The following PTPRN variants were observed in gnomAD, a reference collection of about 807,000 sequenced individuals.
PTPRN encodes protein tyrosine phosphatase receptor type N.
A neutral mutation model predicts 108.5 loss-of-function variants in PTPRN; 70 were observed. The observed-to-expected ratio is 0.65, with a 90% CI of 0.53 to 0.79. The LOEUF (loss-of-function observed/expected upper bound fraction) is 0.79. PTPRN is among the 30% of genes least tolerant of loss of function. The pLI, the probability that PTPRN is intolerant of heterozygous loss-of-function variation, is 0.00. For synonymous variants in PTPRN, 496 were observed against 524.6 expected (o/e 0.95, Z 0.75); for missense variants, 1,136 against 1,295.5 (o/e 0.88, Z 1.89).
chr2:219,290,353 T>A lies in PTPRN; in HGVS notation c.2869-56A>T. 4.1e-6 allele frequency: 4 copies of A among 983,900 alleles called. No homozygotes were observed. Among genetic ancestry groups the A allele is most frequent in the Non-Finnish European group, 6.3e-6 (4 of 630,854 alleles). The allele number at this position is 983,900 out of a possible 1,614,324, so 60.9% of individuals were successfully genotyped here. On this transcript the variant is annotated intron_variant, in intron 22 of 22. Transcript: ENST00000295718. The surrounding 1 kb of genome is among the most constrained non-coding windows in gnomAD (Gnocchi z 4.2). ...GAGAGGGCTGACCTGTGCTCTGCCCTCAAGATGGGGGGCTTTTGGTGGGGG... is the reference window on the plus strand; with the variant it reads ...GAGAGGGCTGACCTGTGCTCTGCCCACAAGATGGGGGGCTTTTGGTGGGGG...
chr2:219,304,492 A>C lies in PTPRN; in HGVS notation c.281-661T>G, dbSNP rs145720475. ...GCTCTCCTGTTTGACTCTTTCCCCC[A>C]AAAAAACTCTGCTCTCAGGAAAGTT... On this transcript the variant is annotated intron_variant, in intron 3 of 22. Transcript: ENST00000295718. Among the ~76,000 whole-genome samples, 268 of 152,196 alleles carry C rather than the reference A, an allele frequency of 1.8e-3. 2 individuals are homozygous for C. Among genetic ancestry groups the C allele is most frequent in the East Asian group, 5.2e-3 (27 of 5,176 alleles).
rs975394859 is a variant in PTPRN at position 219,297,855 on chromosome 2, T to C, written c.1887+30A>G. 37 of 1,573,880 alleles carry C rather than the reference T, an allele frequency of 2.4e-5. No individual in the cohort carries two copies. The East Asian group carries it at 8.6e-4, about 37-fold the overall frequency. On this transcript the variant is annotated intron_variant, in intron 13 of 22. Transcript: ENST00000295718. The surrounding 1 kb of genome is among the most constrained non-coding windows in gnomAD (Gnocchi z 6.0). The stretch of plus-strand genomic sequence containing the variant: ...AGACTCCCAGGCCCCTTGCATTTCC[T>C]TTGCTCAATCAGCTTCTGGGGCTGC...
chr2:219,307,692 C>A, intron 2 of PTPRN, 100 bp downstream of exon 2: 1 of 1,498,514 alleles, frequency 6.7e-7, no homozygotes. Flanking sequence ...TCTTCTCAAG[C>A]CCAGTAGCCC....
chr2:219,308,902 A>C (rs751776106), intron 1 of PTPRN: 5 of 1,369,668 alleles, frequency 3.7e-6, no homozygotes, highest in Non-Finnish European at 4.8e-6. Flanking sequence ...CCTCGGAGCA[A>C]GTGGCTTCTC....
Position 219,297,364 on chromosome 2 carries a change from G to C in PTPRN, c.1957C>G (p.Arg653Gly), listed in dbSNP as rs139679775. 1 of 1,614,064 alleles carries C rather than the reference G, an allele frequency of 6.2e-7. No individual in the cohort carries two copies. The highest frequency in any genetic ancestry group is 1.1e-5 in the South Asian group (1 of 91,086). The change falls in exon 14 of 23, where the codon CGG (arginine) becomes GGG (glycine). Residue 653 changes from arginine (R) to glycine (G), a missense_variant. Coordinates refer to ENST00000295718, the MANE Select transcript of PTPRN (RefSeq NM_002846.4). This position sits in a 1 kb window ranked among gnomAD's most constrained non-coding sequence, Gnocchi z 6.0. ...NRAEGPPEPS[R>G]VSSVSSQFSD... is the part of the protein sequence containing the mutation. ...AACTGGGAGGACACACTGCTCACCC[G>C]TGAAGGCTCCGGTGGACCCTCTGCC...
Position 219,296,906 on chromosome 2 carries a change from C to T in PTPRN, c.2236+79G>A, listed in dbSNP as rs1952212113. 2 of 1,612,096 alleles carry T rather than the reference C, an allele frequency of 1.2e-6. No homozygotes were observed. Among genetic ancestry groups the T allele is most frequent in the Non-Finnish European group, 1.7e-6 (2 of 1,178,748 alleles). Reference sequence around the variant, plus strand: ...TCTGCCACTCAGCCTGAGCCAGAAGCCCAACCCCTTACCCCAAGCCCTCCA... The same window carrying T: ...TCTGCCACTCAGCCTGAGCCAGAAGTCCAACCCCTTACCCCAAGCCCTCCA... On this transcript the variant is annotated intron_variant, in intron 15 of 22. Coordinates refer to ENST00000295718, the MANE Select transcript of PTPRN (RefSeq NM_002846.4). The surrounding 1 kb of genome is among the most constrained non-coding windows in gnomAD (Gnocchi z 6.0).
In PTPRN at chr2:219,302,474, G is replaced by T; in HGVS notation, c.657C>A (p.Gly219=). The T allele has an allele frequency of 6.2e-7, 1 of 1,613,908 alleles. No individual in the cohort carries two copies. Among genetic ancestry groups the T allele is most frequent in the Non-Finnish European group, 8.5e-7 (1 of 1,179,892 alleles). Residue 219 remains glycine (G), a synonymous_variant, in exon 6 of 23, where the codon GGC becomes GGA. Coordinates refer to ENST00000295718, the MANE Select transcript of PTPRN (RefSeq NM_002846.4). The part of the protein sequence containing the change: ...YLFHQFGSRD[G]SRVSEGSPGM... Reference sequence around the variant, plus strand: ...CTGGGGAGCCCTCTGAGACCCTGGAGCCATCACGGGAGCCAAACTGTGGAA... The same window carrying T: ...CTGGGGAGCCCTCTGAGACCCTGGATCCATCACGGGAGCCAAACTGTGGAA...
intron 19 of PTPRN, 98 bp downstream of exon 19, chr2:219,294,877 G>A (rs1952143852): frequency 1.6e-6 from 2 of 1,242,218 alleles, no homozygotes; most frequent in African/African-American, 1.6e-5. Context: ...AGAGGCCGAG[G>A]CTCCAGGCCC....
chr2:219,299,358 C>T lies in PTPRN; in HGVS notation c.1550G>A (p.Arg517His), dbSNP rs910099933. Residue 517 changes from arginine (R) to histidine (H), a missense_variant, in exon 11 of 23, where the codon CGC (arginine) becomes CAC (histidine). Arg to His is a conservative substitution (Grantham distance 29). Transcript: ENST00000295718. ...CAGGTTCTGCTCATTGTGCCGGATG[C>T]GGAAGGTGAGGGCTGGTCCCACCAC... ...ISVVGPALTF[R>H]IRHNEQNLSL... The T allele has an allele frequency of 1.5e-5, 24 of 1,614,068 alleles. No individual in the cohort carries two copies. Among genetic ancestry groups the T allele is most frequent in the Admixed American group, 3.3e-5 (2 of 60,016 alleles).
At position 219,296,131 on chromosome 2, in the gene PTPRN, C is replaced by T. The variant is rs796123855; in HGVS notation, c.2508+95G>A. 2.9e-5 allele frequency: 45 copies of T among 1,558,368 alleles called. No individual in the cohort carries two copies. In the South Asian group the frequency reaches 3.6e-4, roughly 12 times the overall value. On this transcript the variant is annotated intron_variant, in intron 18 of 22. Transcript: ENST00000295718. The surrounding 1 kb of genome is among the most constrained non-coding windows in gnomAD (Gnocchi z 6.0). ...GCCAATAAAAGCCTTTTTAAAAAGACTGTTGAGTGCTCATTTGGTGAAGAA... is the reference window on the plus strand; with the variant it reads ...GCCAATAAAAGCCTTTTTAAAAAGATTGTTGAGTGCTCATTTGGTGAAGAA...
In PTPRN at chr2:219,290,134, G is replaced by T; in HGVS notation, c.*92C>A. 2 of 1,194,336 alleles carry T rather than the reference G, an allele frequency of 1.7e-6. No individual in the cohort carries two copies. Among genetic ancestry groups the T allele is most frequent in the Non-Finnish European group, 2.5e-6 (2 of 807,138 alleles). The allele number at this position is 1,194,336 out of a possible 1,614,324, so 74.0% of individuals were successfully genotyped here. ...AAGGGCTGAGCATGCCCAAGAGGTG[G>T]CTGGTGGGGCAGTGAGGAGTGGGTA... is the stretch of plus-strand genomic sequence containing the variant. On this transcript the variant is annotated 3_prime_UTR_variant, in exon 23 of 23. Transcript: ENST00000295718. This position sits in a 1 kb window ranked among gnomAD's most constrained non-coding sequence, Gnocchi z 4.2.
intron 19 of PTPRN, among the ~76,000 whole-genome samples, chr2:219,294,680 C>G (rs1024769174): frequency 1.3e-5 from 2 of 151,900 alleles, no homozygotes; most frequent in Non-Finnish European, 2.9e-5. Context: ...GCAGAGGGCC[C>G]TCTGGAGGAA....
At chr2:219,294,887 C>G (rs1044362649) in intron 19 of PTPRN, 88 bp downstream of exon 19, 12 of 1,311,444 alleles carry the variant, frequency 9.2e-6, no homozygotes, top group Middle Eastern at 5.6e-4. Context: ...GCTCCAGGCC[C>G]GACCCGGGGC....
chr2:219,299,112 C>T lies in PTPRN; in HGVS notation c.1604-1G>A, dbSNP rs775769111. On this transcript the variant is annotated splice_acceptor_variant, in intron 11 of 22. Transcript: ENST00000295718. LOFTEE classifies it high-confidence loss of function. ...GCTTCCAGTTCAGACTTCACCAGCC[C>T]TGCAGGGAGGACAAAGGTCAGGCTT... 4 of 1,614,266 alleles carry T rather than the reference C, an allele frequency of 2.5e-6. No homozygotes were observed. The highest frequency in any genetic ancestry group is 2.5e-6 in the Non-Finnish European group (3 of 1,180,050).
chr2:219,290,495 G>T lies in PTPRN; in HGVS notation c.2868+43C>A. On this transcript the variant is annotated intron_variant, in intron 22 of 22. Transcript: ENST00000295718. The surrounding 1 kb of genome is among the most constrained non-coding windows in gnomAD (Gnocchi z 4.2). ...TGGGGTGGCCAAGAAGTGGGTGCTA[G>T]GGAAGGGTGGGAGCTGGGGTTGGGG... The T allele has an allele frequency of 6.5e-7, 1 of 1,528,594 alleles. No individual in the cohort carries two copies. The highest frequency in any genetic ancestry group is 1.2e-5 in the South Asian group (1 of 83,396). The allele number at this position is 1,528,594 out of a possible 1,614,324, so 94.7% of individuals were successfully genotyped here. A position where few individuals can be genotyped will look rare whatever the true frequency, so the allele number is the denominator to read the frequency against.
chr2:219,308,123 A>G (rs1952529692), intron 1 of PTPRN: 1 of 440,224 alleles, frequency 2.3e-6, no homozygotes. Flanking sequence ...AGAGAGATTC[A>G]TAGAATTACT....
intron 18 of PTPRN, chr2:219,295,992 AC>A: frequency 1.8e-6 from 1 of 567,186 alleles, no homozygotes; most frequent in Non-Finnish European, 3.0e-6. Flanking sequence ...ACACACACAC[AC>A]ACACACACAC....
chr2:219,301,619 C>T lies in PTPRN; in HGVS notation c.1095G>A (p.Gln365=). The change falls in exon 7 of 23, where the codon CAG becomes CAA. Residue 365 remains glutamine (Q), a synonymous_variant. Transcript: ENST00000295718. ...EQLSTLLTLL[Q]LLPKGAGRNP... ...TTCTTCCTGCACCCTTGGGCAGTAGCTGCAGCAGGGTCAGGAGTGTGGAGA... is the reference window on the plus strand; with the variant it reads ...TTCTTCCTGCACCCTTGGGCAGTAGTTGCAGCAGGGTCAGGAGTGTGGAGA... 1 of 1,612,948 alleles carries T rather than the reference C, an allele frequency of 6.2e-7. No individual in the cohort carries two copies. Among genetic ancestry groups the T allele is most frequent in the Non-Finnish European group, 8.5e-7 (1 of 1,178,990 alleles).
Position 219,302,280 on chromosome 2 carries a change from T to A in PTPRN, c.851A>T (p.Glu284Val). ...CCTGGCCCTGCTGGGTGCTGGCAAC[T>A]CCTGGGCCAGATAGAGCAGCCCAGA... ...QDSGLLYLAQELPAPSRARVP... is the reference protein window; with the variant it reads ...QDSGLLYLAQVLPAPSRARVP... Residue 284 changes from glutamate (E) to valine (V), a missense_variant, in exon 6 of 23, where the codon GAG becomes GTG. Glu to Val is a moderately radical substitution (Grantham distance 121). Coordinates refer to ENST00000295718, the MANE Select transcript of PTPRN (RefSeq NM_002846.4). The A allele has an allele frequency of 6.2e-7, 1 of 1,614,176 alleles. No homozygotes were observed. The highest frequency in any genetic ancestry group is 8.5e-7 in the Non-Finnish European group (1 of 1,180,020).
Sources: allele counts gnomAD v4.1 joint callset (sites outside exome capture counted in the v4.1 genomes callset), GRCh38; gene constraint gnomAD v4.1.1; non-coding constraint Gnocchi (gnomAD v3.1); transcripts MANE v1.5; gene names NCBI Gene and HGNC (gene_info 2026-07-23, HGNC 2026-07-21).